ARMC2: variants seen among roughly 807,000 people sequenced by gnomAD.
The protein encoded by ARMC2 is armadillo repeat containing 2.
A neutral mutation model predicts 90.3 loss-of-function variants in ARMC2; 67 were observed. The observed-to-expected ratio is 0.74, with a 90% CI of 0.61 to 0.91. The LOEUF is 0.91. Ranked by LOEUF, ARMC2 falls within the 40% of genes least tolerant of loss-of-function variation. The pLI is 0.00. For synonymous variants in ARMC2, 393 were observed against 393.0 expected (o/e 1.00, Z 0.00); for missense variants, 920 against 1,030.9 (o/e 0.89, Z 1.47).
At chr6:108,982,967 G>A in the ARMC2 span, among the ~76,000 whole-genome samples, 3,009 of 151,824 alleles carry the variant, frequency 0.02, 56 homozygotes, top group South Asian at 0.073. Flanking sequence ...GTGGGTTACC[G>A]GTGCACACCA....
rs376044702 is a variant in ARMC2, at chr6:108,953,227, G to A, written c.1791G>A (p.Pro597=). Residue 597 remains proline (P), a synonymous_variant, in exon 13 of 18, where the codon CCG becomes CCA. Coordinates refer to ENST00000392644, the MANE Select transcript of ARMC2 (RefSeq NM_032131.6). The stretch of plus-strand genomic sequence containing the variant: ...AGCAGCACAGGGCGCAGAGGCCGCC[G>A]TCAGAGGCAGAGGACGTGCTCATCA... The part of the protein sequence containing the change: ...RGEQHRAQRP[P]SEAEDVLIKL... The A allele has an allele frequency of 1.8e-4, 287 of 1,613,890 alleles. 2 individuals are homozygous for A. Among genetic ancestry groups the A allele is most frequent in the South Asian group, 7.2e-4 (66 of 91,092 alleles).
chr6:108,860,083 A>G (rs1355762744), intron 3 of ARMC2, among the ~76,000 whole-genome samples: 1 of 149,830 alleles, frequency 6.7e-6, no homozygotes, highest in Non-Finnish European at 1.5e-5. Flanking sequence ...TCTGTTTTAC[A>G]TCTTTTTGTG....
the ARMC2 span, among the ~76,000 whole-genome samples, chr6:109,052,509 T>A: frequency 6.6e-6 from 1 of 152,212 alleles, no homozygotes; most frequent in Non-Finnish European, 1.5e-5. Context: ...CAAACATTAC[T>A]TAAAATAGTT....
chr6:108,963,978 G>C (rs532050472), intron 15 of ARMC2, among the ~76,000 whole-genome samples: 107 of 152,312 alleles, frequency 7.0e-4, no homozygotes, highest in Non-Finnish European at 1.3e-3. Flanking sequence ...CTGTCGATTG[G>C]GGGAGCCAAC....
chr6:108,873,738 G>A (rs112507528), intron 4 of ARMC2, among the ~76,000 whole-genome samples: 3 of 152,046 alleles, frequency 2.0e-5, no homozygotes, highest in Non-Finnish European at 2.9e-5. Flanking sequence ...AGCTGTTTAC[G>A]TCTTATTAAC....
At chr6:108,989,285 G>A in the ARMC2 span, among the ~76,000 whole-genome samples, 4 of 152,258 alleles carry the variant, frequency 2.6e-5, no homozygotes, top group East Asian at 7.7e-4. Flanking sequence ...TTATGGGCGT[G>A]AGCCACCGCG....
chr6:109,012,911 C>T, the ARMC2 span, among the ~76,000 whole-genome samples: 1 of 151,954 alleles, frequency 6.6e-6, no homozygotes, highest in Non-Finnish European at 1.5e-5. Context: ...GTCAGGAGCT[C>T]GAAACCATCC....
chr6:108,965,231 A>G (rs1259884941), intron 17 of ARMC2, 91 bp downstream of exon 17: 8 of 1,141,838 alleles, frequency 7.0e-6, no homozygotes, highest in Non-Finnish European at 9.9e-6. Flanking sequence ...ATTAGTATGC[A>G]TTTAGGTGAC....
chr6:108,868,864 C>T lies in ARMC2; in HGVS notation c.332C>T (p.Ser111Phe), dbSNP rs151269619. Reference sequence around the variant, plus strand: ...GCATCTCCCACCAGAGAGGAGGATTCCTGCTTTTCCTTTCCTAAGCCCCCA... The same window carrying T: ...GCATCTCCCACCAGAGAGGAGGATTTCTGCTTTTCCTTTCCTAAGCCCCCA... ...VPASPTREED[S>F]CFSFPKPPVD... Residue 111 changes from serine to phenylalanine, a missense_variant, in exon 4 of 18, where the codon TCC (serine) becomes TTC (phenylalanine). Physicochemically the swap from Ser to Phe is radical, Grantham distance 155 (BLOSUM62 -2). Transcript: ENST00000392644. 63 of 1,613,802 alleles carry T rather than the reference C, an allele frequency of 3.9e-5. No individual in the cohort carries two copies. Among genetic ancestry groups the T allele is most frequent in the Middle Eastern group, 1.6e-4 (1 of 6,084 alleles).
chr6:108,943,880 C>T (rs1776626589), intron 12 of ARMC2, among the ~76,000 whole-genome samples: 1 of 152,062 alleles, frequency 6.6e-6, no homozygotes, highest in Non-Finnish European at 1.5e-5. Context: ...AACCTATTTT[C>T]AACTTAAAAT....
the ARMC2 span, among the ~76,000 whole-genome samples, chr6:109,025,660 A>G: frequency 6.6e-6 from 1 of 151,888 alleles, no homozygotes; most frequent in African/African-American, 2.4e-5. Context: ...AGATTTGAAA[A>G]TGAATGAAAT....
chr6:108,918,564 T>C (rs1774225285), intron 10 of ARMC2, among the ~76,000 whole-genome samples: 1 of 152,218 alleles, frequency 6.6e-6, no homozygotes, highest in Non-Finnish European at 1.5e-5. Flanking sequence ...ATTCATTGTT[T>C]GCCGTTGGGA....
chr6:108,968,951 C>T (rs1404403234), intron 17 of ARMC2, among the ~76,000 whole-genome samples: 1 of 152,142 alleles, frequency 6.6e-6, no homozygotes, highest in Admixed American at 6.5e-5. Flanking sequence ...ATACTGCAGT[C>T]ATGTCTTATG....
At chr6:108,987,908 T>C in the ARMC2 span, among the ~76,000 whole-genome samples, 1 of 151,314 alleles carries the variant, frequency 6.6e-6, no homozygotes, top group African/African-American at 2.4e-5. Flanking sequence ...GTTCAAGCGA[T>C]TCTCATGCCT....
intron 10 of ARMC2, among the ~76,000 whole-genome samples, chr6:108,913,056 G>T (rs993250593): frequency 6.6e-6 from 1 of 152,202 alleles, no homozygotes; most frequent in East Asian, 1.9e-4. Flanking sequence ...AAAACTGGAC[G>T]CATGGAATAT....
chr6:108,871,077 C>T (rs563937301), intron 4 of ARMC2, among the ~76,000 whole-genome samples: 1 of 152,240 alleles, frequency 6.6e-6, no homozygotes, highest in East Asian at 1.9e-4. Context: ...TGTAAAAATC[C>T]ATGGACCAAG....
chr6:108,895,635 A>G (rs1392062257), intron 6 of ARMC2, among the ~76,000 whole-genome samples: 1 of 152,366 alleles, frequency 6.6e-6, no homozygotes, highest in East Asian at 1.9e-4. Flanking sequence ...ATGCAATAGA[A>G]TATAGTTGTC....
At chr6:108,928,036 G>T (rs1426336626) in intron 10 of ARMC2, 52 bp from the exon 11 acceptor site, 5 of 1,529,646 alleles carry the variant, frequency 3.3e-6, no homozygotes, top group Non-Finnish European at 4.4e-6. Flanking sequence ...TGTTTCGTGT[G>T]GTTATATTTT....
intron 11 of ARMC2, among the ~76,000 whole-genome samples, chr6:108,932,831 A>T (rs555368197): frequency 6.6e-6 from 1 of 151,914 alleles, no homozygotes; most frequent in Non-Finnish European, 1.5e-5. Context: ...CCCGGCCTCC[A>T]TTGCTTGTTT....
Sources: allele counts gnomAD v4.1 joint callset (sites outside exome capture counted in the v4.1 genomes callset), GRCh38; gene constraint gnomAD v4.1.1; transcripts MANE v1.5; gene names NCBI Gene and HGNC (gene_info 2026-07-23, HGNC 2026-07-21).